PTPRM: variants seen among roughly 807,000 people sequenced by gnomAD.
PTPRM encodes protein tyrosine phosphatase receptor type M, also known as receptor-type tyrosine-protein phosphatase mu.
A neutral mutation model predicts 186.7 loss-of-function variants in PTPRM; 47 were observed. That is an observed-to-expected ratio of 0.25 (90% CI 0.20 to 0.32). PTPRM has a LOEUF of 0.32. Among genes scored for constraint, PTPRM ranks in the 10% least tolerant of loss-of-function variants. PTPRM has a pLI of 1.00. For missense variants in PTPRM, 1,494 were observed against 1,865.0 expected (o/e 0.80, Z 3.66); for synonymous variants, 668 against 674.9 (o/e 0.99, Z 0.16).
intron 14 of PTPRM, among the ~76,000 whole-genome samples, chr18:8,202,901 G>A (rs942882113): frequency 6.6e-6 from 1 of 152,318 alleles, no homozygotes; most frequent in South Asian, 2.1e-4. Context: ...CTGCCAGCCA[G>A]TGTATAGGTC....
intron 4 of PTPRM, among the ~76,000 whole-genome samples, chr18:7,910,352 G>T (rs1160771398): frequency 1.3e-5 from 2 of 152,122 alleles, no homozygotes; most frequent in African/African-American, 4.8e-5. Flanking sequence ...TGGACAAAAC[G>T]CACAAACAAA....
At chr18:7,707,293 A>T (rs1280184689) in intron 1 of PTPRM, among the ~76,000 whole-genome samples, 1 of 152,128 alleles carries the variant, frequency 6.6e-6, no homozygotes, top group Non-Finnish European at 1.5e-5. Context: ...CTGGGTCTTT[A>T]AACAAAATAT....
rs561731254 is a variant in PTPRM at position 8,312,736 on chromosome 18, A to G, written c.2843-2045A>G. Among the ~76,000 whole-genome samples, 5 of 152,170 alleles carry G rather than the reference A, an allele frequency of 3.3e-5. No homozygotes were observed. In the East Asian group the frequency reaches 9.7e-4, roughly 30 times the overall value. The stretch of plus-strand genomic sequence containing the variant: ...CTCACCCACACACTCGACCCCAGAA[A>G]TTGCTCATCCCATAGTCTCCTGTGA... On this transcript the variant is annotated intron_variant, in intron 20 of 32. Coordinates refer to ENST00000580170, the MANE Select transcript of PTPRM (RefSeq NM_001105244.2).
intron 11 of PTPRM, among the ~76,000 whole-genome samples, chr18:8,111,002 G>A (rs2091729489): frequency 6.6e-6 from 1 of 152,180 alleles, no homozygotes; most frequent in African/African-American, 2.4e-5. Context: ...AGCCTGGTCT[G>A]ATGATTAGGA....
At chr18:8,130,503 A>G (rs559140344) in intron 13 of PTPRM, among the ~76,000 whole-genome samples, 102 of 152,360 alleles carry the variant, frequency 6.7e-4, no homozygotes, top group Middle Eastern at 6.8e-3. Flanking sequence ...TAGAAAGATC[A>G]AAAGTCTTAA....
rs1429614945 is a variant in PTPRM, at chr18:7,629,458, ATC to A, written c.73+61569_73+61570del. Among the ~76,000 whole-genome samples the A allele has an allele frequency of 6.6e-5, 10 of 152,322 alleles. No individual in the cohort carries two copies. In the East Asian group the frequency reaches 1.7e-3, roughly 26 times the overall value. ...ATTAGATTTAGGGTGGGGCCTGAAC[ATC>A]TGAATTTTTAATCAACACAATAGGG... On this transcript the variant is annotated intron_variant, in intron 1 of 32. Transcript: ENST00000580170.
intron 5 of PTPRM, among the ~76,000 whole-genome samples, chr18:7,934,127 A>T (rs912116299): frequency 2.8e-4 from 43 of 152,336 alleles, no homozygotes; most frequent in African/African-American, 1.0e-3. Flanking sequence ...ACCTTTAATA[A>T]GGATATTCCA....
At chr18:8,246,025 C>T (rs892002061) in intron 15 of PTPRM, among the ~76,000 whole-genome samples, 1 of 152,184 alleles carries the variant, frequency 6.6e-6, no homozygotes, top group Admixed American at 6.5e-5. Flanking sequence ...ATAAAGCCAA[C>T]AGAAGGAACA....
intron 7 of PTPRM, among the ~76,000 whole-genome samples, chr18:8,063,256 A>G (rs1033032008): frequency 7.0e-6 from 1 of 143,142 alleles, no homozygotes; most frequent in Non-Finnish European, 1.5e-5. Flanking sequence ...TTGACTCGGA[A>G]AGGGAACTCC....
intron 8 of PTPRM, among the ~76,000 whole-genome samples, chr18:8,074,688 ATTTG>A (rs1483030168): frequency 2.0e-5 from 3 of 151,992 alleles, no homozygotes; most frequent in South Asian, 2.1e-4. Flanking sequence ...CTTATTGACT[ATTTG>A]TTTGTCTTTT....
chr18:8,239,571 G>C (rs567061278), intron 14 of PTPRM, among the ~76,000 whole-genome samples: 1 of 152,238 alleles, frequency 6.6e-6, no homozygotes, highest in Admixed American at 6.5e-5. Context: ...CTACAGTTTA[G>C]GTTTTCCTGG....
intron 2 of PTPRM, among the ~76,000 whole-genome samples, chr18:7,879,777 A>AACT (rs1273699019): frequency 1.3e-5 from 2 of 152,170 alleles, no homozygotes; most frequent in African/African-American, 4.8e-5. Flanking sequence ...GAGTAACGTG[A>AACT]ACTAAATGGC....
At chr18:7,998,217 T>C (rs1207821034) in intron 7 of PTPRM, among the ~76,000 whole-genome samples, 1 of 152,042 alleles carries the variant, frequency 6.6e-6, no homozygotes, top group Non-Finnish European at 1.5e-5. Context: ...AATGAAGTTT[T>C]GTCATTTGAA....
chr18:8,121,734 G>T (rs1207327153), intron 13 of PTPRM: 1 of 152,148 alleles, frequency 6.6e-6, no homozygotes, highest in African/African-American at 2.4e-5. Context: ...AACGTTTTTA[G>T]TGAAAGAGTG....
intron 19 of PTPRM, among the ~76,000 whole-genome samples, chr18:8,285,937 G>A (rs1377010560): frequency 6.6e-6 from 1 of 152,148 alleles, no homozygotes; most frequent in Non-Finnish European, 1.5e-5. Context: ...GCTGCAGTGA[G>A]CTGAGATCAC....
At position 7,847,172 on chromosome 18, in the gene PTPRM, CT is replaced by C. The variant is rs5822985; in HGVS notation, c.197-40920del. On this transcript the variant is annotated intron_variant, in intron 2 of 32. Coordinates refer to ENST00000580170, the MANE Select transcript of PTPRM (RefSeq NM_001105244.2). ...TGTAGTTTCTGAAATACAAATCTGGCTTTTTTTTTTTTTTGACAGAGTATCA... is the reference window on the plus strand; with the variant it reads ...TGTAGTTTCTGAAATACAAATCTGGCTTTTTTTTTTTTTGACAGAGTATCA... 9.3e-3 allele frequency among the ~76,000 whole-genome samples: 1,273 copies of C among 136,620 alleles called. 7 individuals are homozygous for C. Among genetic ancestry groups the C allele is most frequent in the African/African-American group, 0.03 (1,090 of 36,714 alleles). The allele number at this position is 136,620 out of a possible 152,430, so 89.6% of individuals were successfully genotyped here.
intron 14 of PTPRM, among the ~76,000 whole-genome samples, chr18:8,212,530 C>G (rs2146973936): frequency 6.6e-6 from 1 of 152,304 alleles, no homozygotes; most frequent in African/African-American, 2.4e-5. Context: ...TGGCTGGACA[C>G]AGTTGTTCAT....
At chr18:7,981,850 G>T (rs1403958749) in intron 7 of PTPRM, among the ~76,000 whole-genome samples, 1 of 152,148 alleles carries the variant, frequency 6.6e-6, no homozygotes, top group Non-Finnish European at 1.5e-5. Flanking sequence ...GAACACAATG[G>T]TATTTGTGTA....
intron 19 of PTPRM, among the ~76,000 whole-genome samples, chr18:8,285,635 A>T (rs2147783708): frequency 6.6e-6 from 1 of 152,268 alleles, no homozygotes; most frequent in East Asian, 1.9e-4. Context: ...GCCTGGCTGG[A>T]TTGGATGCTA....
Sources: allele counts gnomAD v4.1 joint callset (sites outside exome capture counted in the v4.1 genomes callset), GRCh38; gene constraint gnomAD v4.1.1; transcripts MANE v1.5; gene names NCBI Gene and HGNC (gene_info 2026-07-23, HGNC 2026-07-21).